Variants in SNED1 observed in about 807,000 individuals in gnomAD.
SNED1 encodes sushi, nidogen and EGF-like domain-containing protein 1.
A neutral mutation model predicts 166.7 loss-of-function variants in SNED1; 81 were observed. The observed-to-expected ratio is 0.49, with a 90% confidence interval of 0.41 to 0.58. The LOEUF (loss-of-function observed/expected upper bound fraction) is 0.58, where lower values mean the gene tolerates loss of function less well. Among genes scored for constraint, SNED1 ranks in the 20% least tolerant of loss-of-function variants. SNED1 has a pLI of 0.00. For missense variants in SNED1, 1,604 were observed against 2,000.2 expected (o/e 0.80, Z 3.78); for synonymous variants, 762 against 822.0 (o/e 0.93, Z 1.25).
chr2:241,050,434 T>G (rs2061802422), intron 12 of SNED1, among the ~76,000 whole-genome samples: 1 of 152,124 alleles, frequency 6.6e-6, no homozygotes, highest in Non-Finnish European at 1.5e-5. Context: ...CCCCCAGACC[T>G]GTTCAGCATC....
rs1480563125 is a variant in SNED1 at position 241,064,159 on chromosome 2, T to C, written c.2599+34T>C. On this transcript the variant is annotated intron_variant, in intron 19 of 31. Transcript: ENST00000310397. The surrounding 1 kb of genome is among the most constrained non-coding windows in gnomAD (Gnocchi z 7.0). ...GCAGGCCTGCCTGCTCCCCGCCCTC[T>C]GCCCGCCTGCTCCCCGCCCTCTGCC... The C allele has an allele frequency of 1.4e-6, 2 of 1,380,256 alleles. No homozygotes were observed. The highest frequency in any genetic ancestry group is 2.1e-5 in the Admixed American group (1 of 47,934). The allele number at this position is 1,380,256 out of a possible 1,614,324, so 85.5% of individuals were successfully genotyped here. A position where few individuals can be genotyped will look rare whatever the true frequency, so the allele number is the denominator to read the frequency against.
chr2:240,998,990 G>T lies in SNED1; in HGVS notation c.153G>T (p.Ser51=). 1 of 1,327,730 alleles carries T rather than the reference G, an allele frequency of 7.5e-7. No homozygotes were observed. 82.2% of individuals were successfully genotyped at this position (1,327,730 alleles called of 1,614,324 possible). ...AVTPKQDDGG[S]GLRPLSVPFP... ...CCCCCAAGCAGGACGACGGCGGCTC[G>T]GGGCTGCGGCCGCTCTCGGTGCCCT... The change falls in exon 1 of 32, where the codon TCG becomes TCT. Residue 51 remains serine (S), a synonymous_variant. Transcript: ENST00000310397.
chr2:241,052,635 C>CGGGGGG (rs1232343788), intron 15 of SNED1, among the ~76,000 whole-genome samples, 167 bp downstream of exon 15: 1 of 88,460 alleles, frequency 1.1e-5, no homozygotes, highest in Admixed American at 1.5e-4. Context: ...GTGAGAGGGC[C>CGGGGGG]GGGGGGCCAA....
At chr2:241,006,833 A>C (rs2060233865) in intron 1 of SNED1, among the ~76,000 whole-genome samples, 1 of 152,160 alleles carries the variant, frequency 6.6e-6, no homozygotes, top group African/African-American at 2.4e-5. Flanking sequence ...TGGAGATCCT[A>C]GGGTCGTGGC....
In SNED1 at chr2:241,051,020, G is replaced by A. The variant is rs570906003; in HGVS notation, c.1736-724G>A. 6.6e-6 allele frequency among the ~76,000 whole-genome samples: 1 copy of A among 152,234 alleles called. No individual in the cohort carries two copies. Among genetic ancestry groups the A allele is most frequent in the Non-Finnish European group, 1.5e-5 (1 of 68,050 alleles). On this transcript the variant is annotated intron_variant, in intron 12 of 31. Transcript: ENST00000310397. The surrounding 1 kb of genome is among the most constrained non-coding windows in gnomAD (Gnocchi z 4.7). ...GAGGGAGTACGGAAGGGACAAGGAT[G>A]GCTGTCCTCAGGGGTGGGGCAGCCA... is the stretch of plus-strand genomic sequence containing the variant.
At position 241,036,322 on chromosome 2, in the gene SNED1, AG is replaced by A. The variant is rs1442623157; in HGVS notation, c.806-467del. Reference sequence around the variant, plus strand: ...CGGGCTCACGGGGCGGGGAGCCCAGAGCGGCCGCCCAGCATCCGAGGGACAC... The same window carrying A: ...CGGGCTCACGGGGCGGGGAGCCCAGACGGCCGCCCAGCATCCGAGGGACAC... On this transcript the variant is annotated intron_variant, in intron 4 of 31. Coordinates refer to ENST00000310397, the MANE Select transcript of SNED1 (RefSeq NM_001080437.3). Among the ~76,000 whole-genome samples the A allele has an allele frequency of 1.2e-3, 178 of 151,634 alleles. 1 individual carries two copies. The Middle Eastern group carries it at 0.017, about 15-fold the overall frequency.
intron 26 of SNED1, chr2:241,072,968 C>T: frequency 2.3e-6 from 1 of 443,002 alleles, no homozygotes; most frequent in Non-Finnish European, 4.0e-6. Context: ...AAAGCAACCG[C>T]ATCAGCCGTG....
chr2:241,071,748 G>A (rs770325433), intron 25 of SNED1, 28 bp downstream of exon 25: 21 of 1,231,674 alleles, frequency 1.7e-5, no homozygotes, highest in African/African-American at 4.1e-5. Flanking sequence ...CGGCCCCATC[G>A]CCCGAGGCGG....
intron 29 of SNED1, among the ~76,000 whole-genome samples, chr2:241,085,860 C>CTTTTTTTTTT (rs772995766): frequency 2.5e-5 from 2 of 79,160 alleles, no homozygotes; most frequent in Non-Finnish European, 4.8e-5. Flanking sequence ...TCTGCGGTTT[C>CTTTTTTTTTT]TTTTTTTTTT....
chr2:241,054,176 CT>C (rs894374416), intron 16 of SNED1, among the ~76,000 whole-genome samples: 7 of 152,198 alleles, frequency 4.6e-5, no homozygotes, highest in African/African-American at 1.7e-4. Flanking sequence ...ATGACCCCCC[CT>C]CCCAATGCTA....
rs572387945 is a variant in SNED1, at chr2:241,038,618, T to G, written c.1045+1265T>G. Among the ~76,000 whole-genome samples, 136 of 152,370 alleles carry G rather than the reference T, an allele frequency of 8.9e-4. 1 individual carries two copies. The highest frequency in any genetic ancestry group is 2.6e-3 in the African/African-American group (107 of 41,590). ...CAGCCAGTGTCGGAGCAAGCTCCATTCATAGGAGCCTTTCTTCATCCAGAA... is the reference window on the plus strand; with the variant it reads ...CAGCCAGTGTCGGAGCAAGCTCCATGCATAGGAGCCTTTCTTCATCCAGAA... On this transcript the variant is annotated intron_variant, in intron 6 of 31. Coordinates refer to ENST00000310397, the MANE Select transcript of SNED1 (RefSeq NM_001080437.3).
chr2:241,073,568 C>T lies in SNED1; in HGVS notation c.3916+204C>T, dbSNP rs1016793746. ...AGCAGTGGGACCCCACAGACGGGAA[C>T]AGGCCAGGGGGCAGGACCCACCCAA... On this transcript the variant is annotated intron_variant, in intron 27 of 31. Coordinates refer to ENST00000310397, the MANE Select transcript of SNED1 (RefSeq NM_001080437.3). The surrounding 1 kb of genome is among the most constrained non-coding windows in gnomAD (Gnocchi z 6.6). 1.3e-5 allele frequency: 8 copies of T among 624,100 alleles called. No homozygotes were observed. The highest frequency in any genetic ancestry group is 1.3e-4 in the Admixed American group (5 of 39,516). 38.7% of individuals were successfully genotyped at this position (624,100 alleles called of 1,614,324 possible). A position where few individuals can be genotyped will look rare whatever the true frequency, so the allele number is the denominator to read the frequency against.
Position 241,036,587 on chromosome 2 carries a change from G to A in SNED1, c.806-203G>A, listed in dbSNP as rs375629917. On this transcript the variant is annotated intron_variant, in intron 4 of 31. Coordinates refer to ENST00000310397, the MANE Select transcript of SNED1 (RefSeq NM_001080437.3). ...ACGAAGCCACCTCCCCAGAGGCCAC[G>A]CCAACAGCACCGCCCCTGCTCCCCT... 5.3e-5 allele frequency among the ~76,000 whole-genome samples: 8 copies of A among 152,098 alleles called. No individual in the cohort carries two copies. In the East Asian group the frequency reaches 1.4e-3, roughly 26 times the overall value.
At chr2:241,065,639 C>T in intron 21 of SNED1, 44 bp downstream of exon 21, 1 of 1,567,214 alleles carries the variant, frequency 6.4e-7, no homozygotes, top group Non-Finnish European at 8.7e-7. Context: ...GCCCCTGCCC[C>T]TCGAGGGCAG....
At chr2:241,014,262 G>A (rs745419429) in intron 1 of SNED1, among the ~76,000 whole-genome samples, 4 of 152,146 alleles carry the variant, frequency 2.6e-5, no homozygotes, top group Non-Finnish European at 5.9e-5. Context: ...GCCCACCTCA[G>A]CCTCTCAAAG....
intron 1 of SNED1, among the ~76,000 whole-genome samples, chr2:241,017,823 A>G (rs898979594): frequency 2.6e-5 from 4 of 152,222 alleles, no homozygotes; most frequent in African/African-American, 9.6e-5. Context: ...GTCTAATTTG[A>G]GAGAGCCAGG....
chr2:240,998,917 C>T lies in SNED1; in HGVS notation c.80C>T (p.Ala27Val), dbSNP rs1333100114. ...GCGCGCGGGGTGCGCGGCGCGGTGG[C>T]CCTTGCCGACTTCTACCCGTTCGGC... ...LGARGVRGAV[A>V]LADFYPFGAE... The change falls in exon 1 of 32, where the codon GCC becomes GTC. Residue 27 changes from alanine (A) to valine (V), a missense_variant. Ala to Val is a moderately conservative substitution (Grantham distance 64). This residue lies in a region of SNED1 where 1,237 missense variants were observed against 1,620.8 expected (regional missense o/e 0.76). Transcript: ENST00000310397. 9 of 1,252,838 alleles carry T rather than the reference C, an allele frequency of 7.2e-6. No individual in the cohort carries two copies. The highest frequency in any genetic ancestry group is 8.0e-6 in the Non-Finnish European group (8 of 998,474). 77.6% of individuals were successfully genotyped at this position (1,252,838 alleles called of 1,614,324 possible).
At chr2:241,061,918 C>A (rs2062245699) in intron 16 of SNED1, among the ~76,000 whole-genome samples, 2 of 151,750 alleles carry the variant, frequency 1.3e-5, no homozygotes, top group South Asian at 2.1e-4. Flanking sequence ...CCCAAAGACC[C>A]AGCCAGTGAG....
chr2:241,004,926 T>C (rs2060180396), intron 1 of SNED1, among the ~76,000 whole-genome samples: 1 of 152,144 alleles, frequency 6.6e-6, no homozygotes, highest in South Asian at 2.1e-4. Context: ...TTTCACCATC[T>C]TGGCCAGGCT....
Sources: gnomAD v4.1 joint callset for allele counts (sites outside exome capture counted in the v4.1 genomes callset) on GRCh38, gnomAD v4.1.1 for gene constraint, gnomAD v4.1.1 regional missense constraint, Gnocchi (gnomAD v3.1) non-coding constraint, MANE v1.5 for transcripts, NCBI Gene and HGNC (gene_info 2026-07-23, HGNC 2026-07-21) for gene names.